The following FRAS1 variants were observed in gnomAD, a reference collection of about 807,000 sequenced individuals.
FRAS1 encodes Fraser extracellular matrix complex subunit 1.
FRAS1 carries 290 observed loss-of-function variants against 435.2 expected under a neutral mutation model. The observed-to-expected ratio is 0.67, with a 90% CI of 0.61 to 0.73. The LOEUF (loss-of-function observed/expected upper bound fraction) is 0.73, where lower values mean the gene tolerates loss of function less well. Ranked by LOEUF, FRAS1 falls within the 30% of genes least tolerant of loss-of-function variation. FRAS1 has a pLI of 0.00. For synonymous variants in FRAS1, 1,800 were observed against 1,851.0 expected (o/e 0.97, Z 0.71); for missense variants, 4,860 against 5,001.5 (o/e 0.97, Z 0.85).
At chr4:78,330,196 A>G (rs544154117) in intron 18 of FRAS1, among the ~76,000 whole-genome samples, 31 of 152,314 alleles carry the variant, frequency 2.0e-4, no homozygotes, top group South Asian at 8.3e-4. Context: ...CTTTATTGCA[A>G]TCTCTAAACA....
At chr4:78,329,830 G>C (rs558487025) in intron 18 of FRAS1, among the ~76,000 whole-genome samples, 6 of 152,320 alleles carry the variant, frequency 3.9e-5, no homozygotes, top group Non-Finnish European at 8.8e-5. Context: ...TTTGTGCCTG[G>C]AGCTGAGGCA....
intron 1 of FRAS1, among the ~76,000 whole-genome samples, chr4:78,058,547 C>A (rs1385043460): frequency 2.0e-5 from 3 of 152,168 alleles, no homozygotes; most frequent in African/African-American, 7.2e-5. Context: ...CTCAGTTAGT[C>A]TCCCCCTAAA....
chr4:78,264,387 C>T (rs181354140), intron 6 of FRAS1, among the ~76,000 whole-genome samples: 4 of 152,208 alleles, frequency 2.6e-5, no homozygotes, highest in Admixed American at 2.0e-4. Context: ...TCCCAGATAC[C>T]TAGAGATATG....
In FRAS1 at chr4:78,428,992, A is replaced by G. The variant is rs566323748; in HGVS notation, c.4712-103A>G. On this transcript the variant is annotated intron_variant, in intron 35 of 73. Coordinates refer to ENST00000512123, the MANE Select transcript of FRAS1 (RefSeq NM_025074.7). ...AGTTTCTAGCTACATATTTGTGGAA[A>G]CTGCCTGAAGAGGACCAGACTACAA... 9.6e-5 allele frequency: 118 copies of G among 1,226,178 alleles called. No individual in the cohort carries two copies. In the African/African-American group the frequency reaches 1.7e-3, roughly 18 times the overall value. The allele number at this position is 1,226,178 out of a possible 1,614,324, so 76.0% of individuals were successfully genotyped here. A position where few individuals can be genotyped will look rare whatever the true frequency, so the allele number is the denominator to read the frequency against.
chr4:78,254,098 C>G (rs1725678190), intron 5 of FRAS1, among the ~76,000 whole-genome samples: 1 of 151,922 alleles, frequency 6.6e-6, no homozygotes, highest in African/African-American at 2.4e-5. Context: ...TTCAGCAAGC[C>G]AGAGTCAGAC....
In FRAS1 at chr4:78,508,868, G is replaced by A. The variant is rs905465061; in HGVS notation, c.9642G>A (p.Glu3214=). 1.9e-6 allele frequency: 3 copies of A among 1,613,888 alleles called. No homozygotes were observed. Among genetic ancestry groups the A allele is most frequent in the Non-Finnish European group, 2.5e-6 (3 of 1,179,864 alleles). The part of the protein sequence containing the change: ...PHFPRYAVMK[E]RCSEAGINQT... Reference sequence around the variant, plus strand: ...TCCCCAGATACGCTGTCATGAAGGAGCGCTGCAGTGAGGCCGGCATCAACC... The same window carrying A: ...TCCCCAGATACGCTGTCATGAAGGAACGCTGCAGTGAGGCCGGCATCAACC... Residue 3214 remains glutamate, a synonymous_variant, in exon 63 of 74, where the codon GAG becomes GAA. Coordinates refer to ENST00000512123, the MANE Select transcript of FRAS1 (RefSeq NM_025074.7).
rs1420532163 is a variant in FRAS1 at position 78,259,090 on chromosome 4, T to C, written c.603+3715T>C. 3.6e-4 allele frequency among the ~76,000 whole-genome samples: 36 copies of C among 101,036 alleles called. No individual in the cohort carries two copies. In the East Asian group the frequency reaches 9.3e-3, roughly 26 times the overall value. 66.3% of individuals were successfully genotyped at this position (101,036 alleles called of 152,430 possible). On this transcript the variant is annotated intron_variant, in intron 6 of 73. Coordinates refer to ENST00000512123, the MANE Select transcript of FRAS1 (RefSeq NM_025074.7). The stretch of plus-strand genomic sequence containing the variant: ...CATGGTGTATATGTGCCACATTTTC[T>C]TAATCCAGTCTATCATTGTTGGACA...
chr4:78,187,265 A>G (rs1722314281), intron 2 of FRAS1, among the ~76,000 whole-genome samples: 1 of 152,170 alleles, frequency 6.6e-6, no homozygotes, highest in African/African-American at 2.4e-5. Flanking sequence ...ATGAAAGGGG[A>G]GAGGGCCCTT....
intron 52 of FRAS1, 68 bp from the exon 53 acceptor site, chr4:78,473,370 G>T: frequency 7.9e-7 from 1 of 1,271,010 alleles, no homozygotes; most frequent in Non-Finnish European, 1.1e-6. Flanking sequence ...TAGGTTTGTT[G>T]GTGTGGTAAT....
intron 15 of FRAS1, among the ~76,000 whole-genome samples, chr4:78,312,045 T>G (rs1268783556): frequency 1.3e-5 from 2 of 151,952 alleles, no homozygotes; most frequent in Admixed American, 1.3e-4. Flanking sequence ...TAATCTTTGA[T>G]TCATTATTTT....
At chr4:78,512,294 C>T (rs1390923948) in intron 64 of FRAS1, among the ~76,000 whole-genome samples, 2 of 152,074 alleles carry the variant, frequency 1.3e-5, no homozygotes, top group East Asian at 3.9e-4. Context: ...AAAATGAGTT[C>T]CTTTGTATGA....
chr4:78,406,778 G>A (rs1221158119), intron 30 of FRAS1, among the ~76,000 whole-genome samples: 1 of 152,194 alleles, frequency 6.6e-6, no homozygotes, highest in Non-Finnish European at 1.5e-5. Flanking sequence ...AAACAATGGA[G>A]CTGGGTTTGA....
At chr4:78,175,524 G>A (rs1232419364) in intron 2 of FRAS1, among the ~76,000 whole-genome samples, 4 of 152,162 alleles carry the variant, frequency 2.6e-5, no homozygotes, top group African/African-American at 7.2e-5. Flanking sequence ...TCAATAAGGG[G>A]ACTCTTTTCA....
At chr4:78,462,950 A>G (rs114636651) in intron 47 of FRAS1, among the ~76,000 whole-genome samples, 209 of 152,302 alleles carry the variant, frequency 1.4e-3, no homozygotes, top group Middle Eastern at 6.8e-3. Flanking sequence ...ATATGAGTCA[A>G]TGTAGAATCT....
At chr4:78,414,949 A>G (rs1393177371) in intron 32 of FRAS1, among the ~76,000 whole-genome samples, 2 of 152,226 alleles carry the variant, frequency 1.3e-5, no homozygotes, top group Non-Finnish European at 2.9e-5. Context: ...CCAGCAGAGC[A>G]TGAGAGAGGG....
intron 43 of FRAS1, 84 bp downstream of exon 43, chr4:78,446,964 A>T: frequency 7.6e-7 from 1 of 1,313,854 alleles, no homozygotes; most frequent in East Asian, 2.5e-5. Flanking sequence ...TCAGTTGACT[A>T]TTTCTTTTCT....
chr4:78,159,205 T>G (rs1295328107), intron 2 of FRAS1, among the ~76,000 whole-genome samples: 3 of 152,160 alleles, frequency 2.0e-5, no homozygotes, highest in Admixed American at 6.5e-5. Context: ...GCTATCAAAT[T>G]GGAATATAAA....
chr4:78,100,883 G>C (rs1324572537), intron 2 of FRAS1, among the ~76,000 whole-genome samples: 3 of 152,178 alleles, frequency 2.0e-5, no homozygotes, highest in Non-Finnish European at 4.4e-5. Flanking sequence ...TGAAGGGGCA[G>C]AATGGGAACT....
At chr4:78,513,336 C>T in intron 64 of FRAS1, 56 bp from the exon 65 acceptor site, 1 of 1,558,208 alleles carries the variant, frequency 6.4e-7, no homozygotes, top group Non-Finnish European at 8.8e-7. Flanking sequence ...GAAGTATGTC[C>T]TATTGACCAT....
Sources: allele counts gnomAD v4.1 joint callset (sites outside exome capture counted in the v4.1 genomes callset), GRCh38; gene constraint gnomAD v4.1.1; transcripts MANE v1.5; gene names NCBI Gene and HGNC (gene_info 2026-07-23, HGNC 2026-07-21).